Variants in CES3 observed in about 807,000 individuals in gnomAD.
CES3 encodes the protein carboxylesterase 3 (brain).
Under a neutral mutation model 57.6 loss-of-function variants are expected in CES3, and 49 were observed. The ratio of observed to expected loss-of-function variants is 0.85; its 90% CI spans 0.68 to 1.08. CES3 has a LOEUF of 1.08. CES3 is among the 50% of genes least tolerant of loss of function. CES3 has a pLI of 0.00. For missense variants in CES3, 645 were observed against 742.0 expected (o/e 0.87, Z 1.52); for synonymous variants, 266 against 281.6 (o/e 0.94, Z 0.55).
chr16:66,971,359 T>C, intron 10 of CES3, 40 bp downstream of exon 10: 1 of 1,596,062 alleles, frequency 6.3e-7, no homozygotes, highest in Non-Finnish European at 8.6e-7. Context: ...CCCTCCCACT[T>C]GGGCCCAGGA....
At chr16:66,964,039 C>T (rs1963693868) in intron 4 of CES3, 104 bp downstream of exon 4, 2 of 1,512,068 alleles carry the variant, frequency 1.3e-6, no homozygotes, top group East Asian at 4.6e-5. Context: ...AAGGGAGGGC[C>T]CCTTACCCAT....
At chr16:66,969,897 T>G (rs533057404) in intron 9 of CES3, 138 bp downstream of exon 9, 7 of 709,222 alleles carry the variant, frequency 9.9e-6, no homozygotes, top group Non-Finnish European at 1.5e-5. Flanking sequence ...TTTGTCTAAC[T>G]GATCAATTTT....
intron 8 of CES3, among the ~76,000 whole-genome samples, chr16:66,967,078 TG>T (rs1963744277): frequency 2.5e-5 from 3 of 117,756 alleles, no homozygotes; most frequent in African/African-American, 9.6e-5. Context: ...TTTCTGTTTT[TG>T]TTTGTTTGTT....
In CES3 at chr16:66,964,671, A is replaced by T. The variant is rs1963705152; in HGVS notation, c.763A>T (p.Ser255Cys). ...AGLFHRAITQSGVITTPGIID... is the reference protein window; with the variant it reads ...AGLFHRAITQCGVITTPGIID... ...GCTGTTCCACAGAGCCATCACACAG[A>T]GTGGGGTCATCACCACCCCAGGGAT... Residue 255 changes from serine to cysteine, a missense_variant, in exon 6 of 13, where the codon AGT becomes TGT. Ser to Cys is a moderately radical substitution (Grantham distance 112, BLOSUM62 -1). Transcript: ENST00000303334. 1.9e-6 allele frequency: 3 copies of T among 1,614,006 alleles called. No homozygotes were observed. The highest frequency in any genetic ancestry group is 2.5e-6 in the Non-Finnish European group (3 of 1,179,982).
At chr16:66,970,399 G>A (rs1322808950) in intron 9 of CES3, among the ~76,000 whole-genome samples, 1 of 152,206 alleles carries the variant, frequency 6.6e-6, no homozygotes, top group Non-Finnish European at 1.5e-5. Flanking sequence ...TGGAGCCACC[G>A]CGCCCGGCGC....
In CES3 at chr16:66,963,170, T is replaced by C; in HGVS notation, c.83-9T>C. 1 of 1,614,196 alleles carries C rather than the reference T, an allele frequency of 6.2e-7. No individual in the cohort carries two copies. The highest frequency in any genetic ancestry group is 8.5e-7 in the Non-Finnish European group (1 of 1,179,994). ...AACTCACCCCGTGGCCTTTCTGTCC[T>C]TCCCTCAGGGCCCGAAGTTGCTCAG... On this transcript the variant is annotated splice_polypyrimidine_tract_variant and intron_variant, in intron 1 of 12. Coordinates refer to ENST00000303334, the MANE Select transcript of CES3 (RefSeq NM_024922.6). This position sits in a 1 kb window ranked among gnomAD's most constrained non-coding sequence, Gnocchi z 4.9.
chr16:66,966,116 G>C, intron 6 of CES3, 128 bp from the exon 7 acceptor site: 1 of 802,238 alleles, frequency 1.2e-6, no homozygotes, highest in South Asian at 1.7e-5. Context: ...TCTGTGACCA[G>C]TCTCGAGGCC....
At position 66,973,079 on chromosome 16, in the gene CES3, A is replaced by G; in HGVS notation, c.*30A>G. The G allele has an allele frequency of 6.3e-7, 1 of 1,598,388 alleles. No homozygotes were observed. Among genetic ancestry groups the G allele is most frequent in the South Asian group, 1.1e-5 (1 of 90,422 alleles). On this transcript the variant is annotated 3_prime_UTR_variant, in exon 13 of 13. Transcript: ENST00000303334. The stretch of plus-strand genomic sequence containing the variant: ...AGGCCTGAACCTTCTTGGCTGGGGC[A>G]AACCACTCTTCAAGTGGTGGCAGAG...
rs1015480002 is a variant in CES3, at chr16:66,963,670, A to G, written c.426+41A>G. 2.5e-6 allele frequency: 4 copies of G among 1,613,458 alleles called. No individual in the cohort carries two copies. The African/African-American group carries it at 5.3e-5, about 22-fold the overall frequency. On this transcript the variant is annotated intron_variant, in intron 3 of 12. Coordinates refer to ENST00000303334, the MANE Select transcript of CES3 (RefSeq NM_024922.6). The surrounding 1 kb of genome is among the most constrained non-coding windows in gnomAD (Gnocchi z 4.9). ...GGCCCTGTCCACCTGATCCAGCTCC[A>G]CTATGCCTACCTGTCCCCTCCCCGT...
chr16:66,965,635 G>A (rs956089120), intron 6 of CES3, among the ~76,000 whole-genome samples: 1 of 151,800 alleles, frequency 6.6e-6, no homozygotes, highest in Non-Finnish European at 1.5e-5. Flanking sequence ...GGCCAGGAGA[G>A]ATTTTCTCAA....
In CES3 at chr16:66,966,276, C is replaced by G. The variant is rs1963728437; in HGVS notation, c.852C>G (p.Ser284Arg). Residue 284 changes from serine to arginine, a missense_variant, in exon 7 of 13, where the codon AGC becomes AGG. Physicochemically the swap from Ser to Arg is moderately radical, Grantham distance 110 (BLOSUM62 -1). Coordinates refer to ENST00000303334, the MANE Select transcript of CES3 (RefSeq NM_024922.6). Reference protein sequence around the residue: ...KIANTLACSSSSPAEMVQCLQ... With the variant: ...KIANTLACSSRSPAEMVQCLQ... ...CAAACACCTTGGCCTGCAGCTCCAG[C>G]TCCCCGGCTGAGATGGTGCAGTGCC... The G allele has an allele frequency of 1.2e-6, 2 of 1,613,614 alleles. No individual in the cohort carries two copies. Among genetic ancestry groups the G allele is most frequent in the Non-Finnish European group, 1.7e-6 (2 of 1,179,946 alleles).
Position 66,963,765 on chromosome 16 carries a change from G to T in CES3, c.427-37G>T. 2.5e-6 allele frequency: 4 copies of T among 1,609,300 alleles called. No individual in the cohort carries two copies. Among genetic ancestry groups the T allele is most frequent in the Middle Eastern group, 1.7e-4 (1 of 6,052 alleles). ...GGCAGGTGGGCAGCTAAGGTCTCAG[G>T]AGCTTGGGGGTCAGTGCCCCATGGC... On this transcript the variant is annotated intron_variant, in intron 3 of 12. Coordinates refer to ENST00000303334, the MANE Select transcript of CES3 (RefSeq NM_024922.6). This position sits in a 1 kb window ranked among gnomAD's most constrained non-coding sequence, Gnocchi z 4.9.
At chr16:66,970,181 T>C (rs932421255) in intron 9 of CES3, among the ~76,000 whole-genome samples, 3 of 150,170 alleles carry the variant, frequency 2.0e-5, no homozygotes, top group African/African-American at 7.4e-5. Context: ...CGATCTCGGC[T>C]CACCGCAACA....
rs1407003562 is a variant in CES3, at chr16:66,963,895, G to C, written c.520G>C (p.Val174Leu). ...GGCTGCCTATGGGGATGTGGTCGTG[G>C]TTACAGTCCAGTACCGCCTTGGGGT... ...ALAAYGDVVV[V>L]TVQYRLGVLG... The change falls in exon 4 of 13, where the codon GTT becomes CTT. Residue 174 changes from valine to leucine, a missense_variant. Val to Leu is a conservative substitution (Grantham distance 32, BLOSUM62 1). Transcript: ENST00000303334. This position sits in a 1 kb window ranked among gnomAD's most constrained non-coding sequence, Gnocchi z 4.9. 1.2e-6 allele frequency: 2 copies of C among 1,614,038 alleles called. No individual in the cohort carries two copies. Among genetic ancestry groups the C allele is most frequent in the African/African-American group, 2.7e-5 (2 of 74,918 alleles).
Position 66,972,898 on chromosome 16 carries a change from AG to A in CES3, c.1567del (p.Ala523ArgfsTer82), listed in dbSNP as rs1167507768. The A allele has an allele frequency of 4.3e-6, 7 of 1,614,044 alleles. No individual in the cohort carries two copies. The highest frequency in any genetic ancestry group is 5.9e-6 in the Non-Finnish European group (7 of 1,180,042). ...KALPPWPQFN[Q>X]AEQYLEINPV... Reference sequence around the variant, plus strand: ...CTGCCTCCTTGGCCCCAATTCAACCAGGCGGAACAATATCTGGAGATCAACC... The same window carrying A: ...CTGCCTCCTTGGCCCCAATTCAACCAGCGGAACAATATCTGGAGATCAACC... On this transcript the variant is annotated frameshift_variant, in exon 13 of 13. Transcript: ENST00000303334. LOFTEE classifies it low-confidence loss of function (END_TRUNC).
rs1490080959 is a variant in CES3 at position 66,963,308 on chromosome 16, G to T, written c.212G>T (p.Gly71Val). 1 of 1,613,804 alleles carries T rather than the reference G, an allele frequency of 6.2e-7. No homozygotes were observed. Residue 71 changes from glycine to valine, a missense_variant, in exon 2 of 13, where the codon GGC becomes GTC. By Grantham distance (109) the Gly-to-Val change is moderately radical. Coordinates refer to ENST00000303334, the MANE Select transcript of CES3 (RefSeq NM_024922.6). The surrounding 1 kb of genome is among the most constrained non-coding windows in gnomAD (Gnocchi z 4.9). ...LGIPFAQPPL[G>V]PDRFSAPHPA... is the part of the protein sequence containing the mutation. ...ATTCCATTTGCCCAGCCGCCACTGG[G>T]CCCTGACCGGTTCTCAGCCCCACAC...
intron 9 of CES3, among the ~76,000 whole-genome samples, 157 bp downstream of exon 9, chr16:66,969,916 TCCGGA>T (rs1963801710): frequency 1.3e-5 from 2 of 151,958 alleles, no homozygotes; most frequent in African/African-American, 4.8e-5. Context: ...TTACTTCCAC[TCCGGA>T]ATCTCCTTAG....
intron 11 of CES3, 37 bp downstream of exon 11, chr16:66,972,542 G>GC (rs1294624117): frequency 6.2e-7 from 1 of 1,605,870 alleles, no homozygotes; most frequent in East Asian, 2.2e-5. Flanking sequence ...TCCCTAGGCT[G>GC]CCAGACTCCA....
intron 7 of CES3, 144 bp from the exon 8 acceptor site, chr16:66,966,581 G>T: frequency 9.2e-7 from 1 of 1,090,434 alleles, no homozygotes; most frequent in Non-Finnish European, 1.3e-6. Flanking sequence ...TGGTTCCCCC[G>T]ACCCCCTTAA....
Sources: allele counts gnomAD v4.1 joint callset (sites outside exome capture counted in the v4.1 genomes callset), GRCh38; gene constraint gnomAD v4.1.1; non-coding constraint Gnocchi (gnomAD v3.1); transcripts MANE v1.5; gene names NCBI Gene and HGNC (gene_info 2026-07-23, HGNC 2026-07-21).